Variants in JADE3 observed in about 807,000 individuals in gnomAD.
JADE3 encodes protein Jade-3.
JADE3 carries 2 observed loss-of-function variants against 50.1 expected under a neutral mutation model. The observed-to-expected ratio is 0.04, with a 90% CI of 0.02 to 0.13. JADE3 has a LOEUF of 0.13. Ranked by LOEUF, JADE3 falls within the 10% of genes least tolerant of loss-of-function variation. The probability of loss-of-function intolerance (pLI) is 1.00; values close to 1 mark genes in which losing one functional copy is unlikely to be tolerated. For missense variants in JADE3, 475 were observed against 634.4 expected, an observed-to-expected ratio of 0.75 and a Z score of 2.70; for synonymous variants, 218 against 232.9, an observed-to-expected ratio of 0.94 and a Z score of 0.58.
intron 8 of JADE3, among the ~76,000 whole-genome samples, chrX:47,042,979 C>T (rs5906314): frequency 1.5e-3 from 163 of 111,743 alleles, no homozygotes; most frequent in Non-Finnish European, 2.5e-3. Context: ...ATTAGCCCTC[C>T]TCCATCTCCA....
At chrX:47,054,664 G>A (rs1200589701) in intron 9 of JADE3, 36 bp downstream of exon 9, 9 of 905,029 alleles carry the variant, frequency 9.9e-6, no homozygotes, top group South Asian at 4.8e-5. Flanking sequence ...TATAGGCCTC[G>A]GTCTGTGTAG....
At chrX:46,992,620 A>G (rs1188454645) in intron 3 of JADE3, among the ~76,000 whole-genome samples, 1 of 111,493 alleles carries the variant, frequency 9.0e-6, no homozygotes, top group East Asian at 2.8e-4. Context: ...TTTGCTTCTT[A>G]TAAAAACGGG....
At chrX:47,043,557 C>T (rs1362484994) in intron 8 of JADE3, among the ~76,000 whole-genome samples, 1 of 112,101 alleles carries the variant, frequency 8.9e-6, no homozygotes, top group South Asian at 3.7e-4. Flanking sequence ...CAGTGGCTCA[C>T]GCCTGTAATC....
At chrX:47,042,330 G>C (rs1427466266) in intron 8 of JADE3, among the ~76,000 whole-genome samples, 3 of 111,506 alleles carry the variant, frequency 2.7e-5, no homozygotes, top group African/African-American at 9.8e-5. Context: ...CACTATTATG[G>C]TTATTTATCT....
chrX:46,930,252 G>A (rs781817080), intron 1 of JADE3, among the ~76,000 whole-genome samples: 3 of 111,833 alleles, frequency 2.7e-5, no homozygotes, highest in Middle Eastern at 4.6e-3. Context: ...AAGAGAGATG[G>A]TATGGAGAGG....
intron 1 of JADE3, among the ~76,000 whole-genome samples, chrX:46,959,151 G>T (rs1370400463): frequency 1.8e-5 from 2 of 112,442 alleles, no homozygotes; most frequent in African/African-American, 6.5e-5. Context: ...GGTAAATGAA[G>T]TCCACAGGCT....
intron 1 of JADE3, among the ~76,000 whole-genome samples, chrX:46,970,487 C>T (rs782607607): frequency 8.9e-6 from 1 of 111,917 alleles, no homozygotes; most frequent in East Asian, 2.8e-4. Flanking sequence ...CATTGGTTAA[C>T]AGTTTTAGGC....
intron 4 of JADE3, among the ~76,000 whole-genome samples, chrX:47,013,764 A>G (rs782393384): frequency 8.9e-6 from 1 of 112,425 alleles, no homozygotes; most frequent in South Asian, 3.7e-4. Flanking sequence ...GTTTGATGAG[A>G]AGAATGAACT....
At chrX:46,947,369 G>T (rs1451860470) in intron 1 of JADE3, among the ~76,000 whole-genome samples, 1 of 111,500 alleles carries the variant, frequency 9.0e-6, no homozygotes, top group Non-Finnish European at 1.9e-5. Flanking sequence ...GCCCGGAGGG[G>T]TAGATACTTG....
intron 4 of JADE3, among the ~76,000 whole-genome samples, chrX:47,023,838 G>A (rs184526654): frequency 1.9e-3 from 212 of 112,231 alleles, no homozygotes; most frequent in African/African-American, 6.5e-3. Context: ...CCCGGGAGGC[G>A]GAGGTTGCAG....
At chrX:47,009,588 C>T (rs1437487889) in intron 4 of JADE3, among the ~76,000 whole-genome samples, 2 of 109,120 alleles carry the variant, frequency 1.8e-5, no homozygotes, top group Non-Finnish European at 3.8e-5. Flanking sequence ...GAAACTAAGC[C>T]TTCCATTTTC....
At chrX:46,924,284 T>C (rs894844145) in intron 1 of JADE3, among the ~76,000 whole-genome samples, 11 of 111,731 alleles carry the variant, frequency 9.8e-5, no homozygotes, top group African/African-American at 3.2e-4. Flanking sequence ...AGCTTCACAC[T>C]CTCATGCCAG....
At chrX:47,023,906 A>G (rs1556364995) in intron 4 of JADE3, among the ~76,000 whole-genome samples, 1 of 112,408 alleles carries the variant, frequency 8.9e-6, no homozygotes. Flanking sequence ...ACTCCATCTC[A>G]AAATAAATGA....
intron 4 of JADE3, 115 bp downstream of exon 4, chrX:46,998,392 A>G (rs1556358022): frequency 3.3e-6 from 2 of 611,801 alleles, no homozygotes; most frequent in African/African-American, 2.3e-5. Flanking sequence ...GTCACATACC[A>G]TTTTCACCAA....
intron 1 of JADE3, among the ~76,000 whole-genome samples, chrX:46,958,822 G>T (rs1927190426): frequency 8.9e-6 from 1 of 111,876 alleles, no homozygotes; most frequent in Non-Finnish European, 1.9e-5. Context: ...GTAGCCTATT[G>T]GGAGATCTGG....
At chrX:46,936,040 A>C (rs1556340955) in intron 1 of JADE3, among the ~76,000 whole-genome samples, 7 of 87,189 alleles carry the variant, frequency 8.0e-5, no homozygotes, top group Non-Finnish European at 1.6e-4. Context: ...TTTTTTTGAG[A>C]TAGAGTCTCA....
intron 2 of JADE3, among the ~76,000 whole-genome samples, chrX:46,985,327 A>G (rs908270158): frequency 9.8e-5 from 11 of 112,299 alleles, no homozygotes; most frequent in African/African-American, 3.2e-5. Flanking sequence ...CTTATTAGCA[A>G]TAGCCTTTGG....
chrX:46,983,945 T>C (rs1556353737), intron 1 of JADE3, among the ~76,000 whole-genome samples: 3 of 111,722 alleles, frequency 2.7e-5, no homozygotes, highest in African/African-American at 9.8e-5. Flanking sequence ...AGTGGCCTTG[T>C]ATTTGGATTT....
In JADE3 at chrX:47,054,371, C is replaced by T; in HGVS notation, c.1186C>T (p.Arg396Trp). The T allele has an allele frequency of 2.5e-6, 3 of 1,210,965 alleles. No homozygotes were observed. The highest frequency in any genetic ancestry group is 3.4e-6 in the Non-Finnish European group (3 of 894,884). ...GGCCAAAAGTGAGAAAACCAGCCTG[C>T]GGGCACAGAAGCTTCGGGAGCTGGA... ...SQAKSEKTSL[R>W]AQKLRELEEE... is the part of the protein sequence containing the mutation. Residue 396 changes from arginine (R) to tryptophan (W), a missense_variant, in exon 9 of 11, where the codon CGG (arginine) becomes TGG (tryptophan). Coordinates refer to ENST00000614628, the MANE Select transcript of JADE3 (RefSeq NM_014735.5).
Sources: gnomAD v4.1 joint callset for allele counts (sites outside exome capture counted in the v4.1 genomes callset) on GRCh38, gnomAD v4.1.1 for gene constraint, MANE v1.5 for transcripts, NCBI Gene and HGNC (gene_info 2026-07-23, HGNC 2026-07-21) for gene names.